CXXC5: variants seen among roughly 807,000 people sequenced by gnomAD.
CXXC5 encodes CXXC finger protein 5.
A neutral mutation model predicts 17.6 loss-of-function variants in CXXC5; 2 were observed. That is an observed-to-expected ratio of 0.11 (90% CI 0.05 to 0.36). The LOEUF is 0.36. CXXC5 is among the 10% of genes least tolerant of loss of function. The pLI is 1.00. For synonymous variants in CXXC5, 171 were observed against 193.0 expected (o/e 0.89, Z 0.94); for missense variants, 343 against 458.3 (o/e 0.75, Z 2.30).
rs761876107 is a variant in CXXC5 at position 139,670,958 on chromosome 5, C to T, written c.-160-9406C>T. Among the ~76,000 whole-genome samples, 17 of 152,236 alleles carry T rather than the reference C, an allele frequency of 1.1e-4. No individual in the cohort carries two copies. Among genetic ancestry groups the T allele is most frequent in the Non-Finnish European group, 2.4e-4 (16 of 68,048 alleles). Reference sequence around the variant, plus strand: ...TATGCATTGCTCTCGTCACCATACACACTCCAGCCCCCTGAGCCCGCTCCC... The same window carrying T: ...TATGCATTGCTCTCGTCACCATACATACTCCAGCCCCCTGAGCCCGCTCCC... On this transcript the variant is annotated intron_variant, in intron 1 of 2. Transcript: ENST00000302517. This position sits in a 1 kb window ranked among gnomAD's most constrained non-coding sequence, Gnocchi z 4.2.
intron 1 of CXXC5, among the ~76,000 whole-genome samples, chr5:139,674,456 G>A (rs147285412): frequency 2.4e-4 from 36 of 152,268 alleles, no homozygotes; most frequent in Non-Finnish European, 3.5e-4. Flanking sequence ...GGTGCATTGA[G>A]CCAGGGTGTG....
intron 1 of CXXC5, among the ~76,000 whole-genome samples, chr5:139,656,958 C>T (rs1755526930): frequency 6.6e-6 from 1 of 152,208 alleles, no homozygotes; most frequent in Non-Finnish European, 1.5e-5. Context: ...CTCCTGACCT[C>T]AAGTGATTCA....
rs1194818130 is a variant in CXXC5, at chr5:139,682,936, C to T, written c.*29C>T. On this transcript the variant is annotated 3_prime_UTR_variant, in exon 3 of 3. Transcript: ENST00000302517. ...CGGCGGAACCCAAAGCTGCCCTCTC[C>T]GTGCAATGTCACTGCTCGTGTGGTC... 9 of 1,565,158 alleles carry T rather than the reference C, an allele frequency of 5.8e-6. No individual in the cohort carries two copies. Among genetic ancestry groups the T allele is most frequent in the East Asian group, 2.4e-5 (1 of 41,642 alleles).
At chr5:139,671,254 G>T (rs1756450666) in intron 1 of CXXC5, among the ~76,000 whole-genome samples, 4 of 152,294 alleles carry the variant, frequency 2.6e-5, no homozygotes, top group Non-Finnish European at 5.9e-5. Context: ...GGCAGACTCT[G>T]GGGGGTGACC....
At chr5:139,655,989 G>T (rs1280774795) in intron 1 of CXXC5, among the ~76,000 whole-genome samples, 1 of 152,214 alleles carries the variant, frequency 6.6e-6, no homozygotes, top group Non-Finnish European at 1.5e-5. Context: ...TGGCCCCCGG[G>T]GAGCCCTGTA....
intron 1 of CXXC5, among the ~76,000 whole-genome samples, chr5:139,666,610 G>A (rs995714883): frequency 2.6e-5 from 4 of 152,246 alleles, no homozygotes; most frequent in Non-Finnish European, 4.4e-5. Flanking sequence ...GGAGATGAAC[G>A]TGGGCGCTCC....
At chr5:139,649,909 G>A (rs546512660) in intron 1 of CXXC5, among the ~76,000 whole-genome samples, 3 of 152,314 alleles carry the variant, frequency 2.0e-5, no homozygotes, top group East Asian at 3.9e-4. Context: ...GCTGGGGGAA[G>A]TTGTCCTCGC....
intron 1 of CXXC5, 140 bp from the exon 2 acceptor site, chr5:139,680,224 C>T (rs766659157): frequency 2.2e-6 from 1 of 453,176 alleles, no homozygotes; most frequent in South Asian, 3.2e-5. Flanking sequence ...AATTTCTCAC[C>T]AGGATGGATC....
At chr5:139,666,475 G>T (rs1042855487) in intron 1 of CXXC5, among the ~76,000 whole-genome samples, 3 of 152,214 alleles carry the variant, frequency 2.0e-5, no homozygotes, top group Non-Finnish European at 4.4e-5. Flanking sequence ...GCCAGATCAA[G>T]TCCTAGTTTC....
intron 1 of CXXC5, among the ~76,000 whole-genome samples, chr5:139,653,052 T>C (rs1313777825): frequency 6.6e-6 from 1 of 152,150 alleles, no homozygotes; most frequent in Non-Finnish European, 1.5e-5. Context: ...TTTGAGGCCC[T>C]GAATGTGTGT....
At chr5:139,657,624 C>T (rs1755558381) in intron 1 of CXXC5, among the ~76,000 whole-genome samples, 1 of 152,152 alleles carries the variant, frequency 6.6e-6, no homozygotes, top group African/African-American at 2.4e-5. Flanking sequence ...AGAGATGTGG[C>T]CAGAGAGCAA....
intron 1 of CXXC5, among the ~76,000 whole-genome samples, chr5:139,651,870 G>A (rs1755200529): frequency 6.6e-6 from 1 of 152,076 alleles, no homozygotes; most frequent in Non-Finnish European, 1.5e-5. Context: ...CAAGAATGGG[G>A]GGGTTCACAC....
chr5:139,664,710 C>T (rs988062968), intron 1 of CXXC5, among the ~76,000 whole-genome samples: 1 of 152,162 alleles, frequency 6.6e-6, no homozygotes, highest in Non-Finnish European at 1.5e-5. Context: ...TCCAGTCCCC[C>T]AGGCCCAGAG....
intron 1 of CXXC5, chr5:139,649,313 A>T (rs1008757674): frequency 6.6e-6 from 1 of 151,484 alleles, no homozygotes; most frequent in African/African-American, 2.4e-5. Flanking sequence ...GCGCTGGGGC[A>T]GCGGGCGCCC....
rs1014912783 is a variant in CXXC5 at position 139,670,307 on chromosome 5, T to C, written c.-160-10057T>C. On this transcript the variant is annotated intron_variant, in intron 1 of 2. Coordinates refer to ENST00000302517, the MANE Select transcript of CXXC5 (RefSeq NM_016463.9). This position sits in a 1 kb window ranked among gnomAD's most constrained non-coding sequence, Gnocchi z 4.2. ...GGCGGGTAGACACTGGCCAGAGCTG[T>C]TGGACCTTGAACAGCAGACAAGACA... Among the ~76,000 whole-genome samples, 5 of 152,164 alleles carry C rather than the reference T, an allele frequency of 3.3e-5. No homozygotes were observed. Among genetic ancestry groups the C allele is most frequent in the Non-Finnish European group, 7.4e-5 (5 of 68,006 alleles).
rs948062886 is a variant in CXXC5, at chr5:139,664,647, G to C, written c.-160-15717G>C. On this transcript the variant is annotated intron_variant, in intron 1 of 2. Coordinates refer to ENST00000302517, the MANE Select transcript of CXXC5 (RefSeq NM_016463.9). ...CTGCCCTGCGTGCTCTCTGAGGCAG[G>C]GGTAAGTTCATTCCCCGCAGACAGA... Among the ~76,000 whole-genome samples the C allele has an allele frequency of 6.6e-5, 10 of 152,146 alleles. No homozygotes were observed. The East Asian group carries it at 1.9e-3, about 29-fold the overall frequency.
At chr5:139,665,125 C>T (rs946914110) in intron 1 of CXXC5, among the ~76,000 whole-genome samples, 3 of 152,260 alleles carry the variant, frequency 2.0e-5, no homozygotes, top group African/African-American at 4.8e-5. Context: ...CTGTCAAGGC[C>T]GCCAACTGCC....
At chr5:139,662,109 G>T (rs1259857590) in intron 1 of CXXC5, among the ~76,000 whole-genome samples, 3 of 152,152 alleles carry the variant, frequency 2.0e-5, no homozygotes, top group Non-Finnish European at 4.4e-5. Context: ...GAGATGGGGG[G>T]AAGAATGAGA....
intron 1 of CXXC5, 52 bp downstream of exon 1, chr5:139,648,897 T>A (rs1383969835): frequency 6.7e-6 from 1 of 148,728 alleles, no homozygotes; most frequent in Admixed American, 6.7e-5. Flanking sequence ...GCCGGCCCCC[T>A]CCCCTTCCCC....
Sources: allele counts gnomAD v4.1 joint callset (sites outside exome capture counted in the v4.1 genomes callset), GRCh38; gene constraint gnomAD v4.1.1; non-coding constraint Gnocchi (gnomAD v3.1); transcripts MANE v1.5; gene names NCBI Gene and HGNC (gene_info 2026-07-23, HGNC 2026-07-21).